Variants in PHACTR1 observed in about 807,000 individuals in gnomAD.
The protein encoded by PHACTR1 is RPEL repeat containing 1.
A neutral mutation model predicts 69.2 loss-of-function variants in PHACTR1; 16 were observed. The ratio of observed to expected loss-of-function variants is 0.23; its 90% CI spans 0.16 to 0.35. The LOEUF (loss-of-function observed/expected upper bound fraction) is 0.35. PHACTR1 is among the 10% of genes least tolerant of loss of function. The probability of loss-of-function intolerance (pLI) is 1.00; values close to 1 mark genes in which losing one functional copy is unlikely to be tolerated. For missense variants in PHACTR1, 510 were observed against 734.7 expected (o/e 0.69, Z 3.54); for synonymous variants, 312 against 284.5 (o/e 1.10, Z -0.97).
chr6:13,180,539 A>G (rs1423794684), intron 6 of PHACTR1, among the ~76,000 whole-genome samples: 4 of 152,190 alleles, frequency 2.6e-5, no homozygotes, highest in Non-Finnish European at 4.4e-5. Context: ...AATGTATGGC[A>G]ATCATTTGAT....
rs1424387301 is a variant in PHACTR1, at chr6:12,948,050, C to T, written c.251-105315C>T. Among the ~76,000 whole-genome samples the T allele has an allele frequency of 4.6e-5, 7 of 152,262 alleles. No individual in the cohort carries two copies. In the South Asian group the frequency reaches 1.2e-3, roughly 27 times the overall value. On this transcript the variant is annotated intron_variant, in intron 4 of 14. Coordinates refer to ENST00000332995, the MANE Select transcript of PHACTR1 (RefSeq NM_030948.6). ...CCTCTGTTGGCTCATTGTAGTTGCG[C>T]CATGAACCTTTCCATATCCCTAAAG...
chr6:12,898,710 ACT>A (rs913928912), intron 4 of PHACTR1, among the ~76,000 whole-genome samples: 8 of 151,766 alleles, frequency 5.3e-5, no homozygotes, highest in African/African-American at 1.9e-4. Context: ...CAGGCAGAAC[ACT>A]CTTTCTCTCT....
chr6:13,232,455 C>CCA (rs1182780033), intron 10 of PHACTR1, among the ~76,000 whole-genome samples: 7 of 152,314 alleles, frequency 4.6e-5, no homozygotes, highest in African/African-American at 1.7e-4. Flanking sequence ...TAACCACCTG[C>CCA]CACACACACA....
intron 4 of PHACTR1, among the ~76,000 whole-genome samples, chr6:13,028,539 C>G (rs1034807036): frequency 6.6e-6 from 1 of 152,136 alleles, no homozygotes; most frequent in African/African-American, 2.4e-5. Context: ...TTCTGGAGAC[C>G]TTGTGATTGC....
rs977285688 is a variant in PHACTR1, at chr6:13,205,737, G to A, written c.665-78G>A. 4 of 1,377,684 alleles carry A rather than the reference G, an allele frequency of 2.9e-6. No individual in the cohort carries two copies. In the African/African-American group the frequency reaches 5.8e-5, roughly 20 times the overall value. 85.3% of individuals were successfully genotyped at this position (1,377,684 alleles called of 1,614,324 possible). ...CTCAACTCATTGGCCACAGTCTCCAGGTGAGCGCATCTGGTGTTCTGAGTT... is the reference window on the plus strand; with the variant it reads ...CTCAACTCATTGGCCACAGTCTCCAAGTGAGCGCATCTGGTGTTCTGAGTT... On this transcript the variant is annotated intron_variant, in intron 7 of 14. Coordinates refer to ENST00000332995, the MANE Select transcript of PHACTR1 (RefSeq NM_030948.6).
intron 6 of PHACTR1, among the ~76,000 whole-genome samples, chr6:13,166,453 T>C (rs573589488): frequency 8.5e-5 from 13 of 152,278 alleles, no homozygotes; most frequent in Middle Eastern, 3.4e-3. Context: ...TGGGACAAAA[T>C]TGATGTTCAG....
At chr6:13,233,166 C>G (rs1771489704) in intron 10 of PHACTR1, among the ~76,000 whole-genome samples, 1 of 152,222 alleles carries the variant, frequency 6.6e-6, no homozygotes, top group Non-Finnish European at 1.5e-5. Context: ...CAATCCCAGC[C>G]TCTCCTGCCT....
intron 10 of PHACTR1, among the ~76,000 whole-genome samples, chr6:13,237,741 T>C (rs1772219629): frequency 6.6e-6 from 1 of 152,224 alleles, no homozygotes; most frequent in Non-Finnish European, 1.5e-5. Flanking sequence ...CATCATGAAG[T>C]GTACTCACAC....
intron 5 of PHACTR1, among the ~76,000 whole-genome samples, chr6:13,129,832 TA>T (rs143761358): frequency 0.03 from 4,534 of 152,148 alleles, 209 homozygotes; most frequent in African/African-American, 0.1. Flanking sequence ...CAGAACATTC[TA>T]CCCAACAACT....
chr6:13,051,673 G>C (rs1347027932), intron 4 of PHACTR1, among the ~76,000 whole-genome samples: 1 of 152,148 alleles, frequency 6.6e-6, no homozygotes. Flanking sequence ...AGCCCAAAGT[G>C]ACCTCCCTCG....
chr6:12,970,775 C>T (rs1373031813), intron 4 of PHACTR1, among the ~76,000 whole-genome samples: 1 of 152,136 alleles, frequency 6.6e-6, no homozygotes, highest in Admixed American at 6.5e-5. Flanking sequence ...AGCAAACAAA[C>T]AAAAAGCCAT....
chr6:13,050,528 T>C (rs1052249855), intron 4 of PHACTR1, among the ~76,000 whole-genome samples: 1 of 152,204 alleles, frequency 6.6e-6, no homozygotes, highest in Admixed American at 6.5e-5. Context: ...CTAAGAACCA[T>C]GTTTCATACA....
rs556558194 is a variant in PHACTR1 at position 13,281,000 on chromosome 6, C to A, written c.1510-2422C>A. On this transcript the variant is annotated intron_variant, in intron 12 of 14. Coordinates refer to ENST00000332995, the MANE Select transcript of PHACTR1 (RefSeq NM_030948.6). ...GTGCACCAACTGTGACTCTGAGAGG[C>A]AGCAGCCAGCTGCATCCTCGCTCAT... 7 of 1,289,476 alleles carry A rather than the reference C, an allele frequency of 5.4e-6. No individual in the cohort carries two copies. In the African/African-American group the frequency reaches 9.1e-5, roughly 17 times the overall value. 79.9% of individuals were successfully genotyped at this position (1,289,476 alleles called of 1,614,324 possible).
chr6:12,766,115 A>C (rs1397345177), intron 4 of PHACTR1, among the ~76,000 whole-genome samples: 1 of 152,158 alleles, frequency 6.6e-6, no homozygotes, highest in Non-Finnish European at 1.5e-5. Flanking sequence ...CCCATTTTAT[A>C]TATTTCTGAA....
intron 5 of PHACTR1, among the ~76,000 whole-genome samples, chr6:13,058,480 A>G (rs1407145838): frequency 1.3e-5 from 2 of 152,216 alleles, no homozygotes; most frequent in Non-Finnish European, 2.9e-5. Context: ...ACATGCCGGA[A>G]TGTCACCTGG....
intron 10 of PHACTR1, among the ~76,000 whole-genome samples, chr6:13,271,562 T>G (rs1777727005): frequency 6.6e-6 from 1 of 152,198 alleles, no homozygotes; most frequent in Non-Finnish European, 1.5e-5. Flanking sequence ...GAAGCTCAAG[T>G]CCCTTGTATA....
At chr6:13,259,728 T>G (rs1343616373) in intron 10 of PHACTR1, among the ~76,000 whole-genome samples, 1 of 152,182 alleles carries the variant, frequency 6.6e-6, no homozygotes, top group African/African-American at 2.4e-5. Flanking sequence ...GACCTTCTGA[T>G]GAGTGGTGCA....
At chr6:13,034,407 T>G (rs1802977487) in intron 4 of PHACTR1, among the ~76,000 whole-genome samples, 2 of 152,216 alleles carry the variant, frequency 1.3e-5, no homozygotes, top group Non-Finnish European at 2.9e-5. Flanking sequence ...CGCAGTTTGT[T>G]GGAGAAACCT....
At chr6:12,996,354 A>G (rs1797409843) in intron 4 of PHACTR1, among the ~76,000 whole-genome samples, 2 of 152,226 alleles carry the variant, frequency 1.3e-5, no homozygotes, top group Non-Finnish European at 2.9e-5. Context: ...ACAAAACAAA[A>G]GAAGGCACAA....
Sources: gnomAD v4.1 joint callset for allele counts (sites outside exome capture counted in the v4.1 genomes callset) on GRCh38, gnomAD v4.1.1 for gene constraint, MANE v1.5 for transcripts, NCBI Gene and HGNC (gene_info 2026-07-23, HGNC 2026-07-21) for gene names.